Variants in KANSL1 observed in about 807,000 individuals in gnomAD.
The protein encoded by KANSL1 is MLL1/MLL complex subunit KANSL1.
In KANSL1, 22 loss-of-function variants were observed where a neutral mutation model predicts 103.6. That is an observed-to-expected ratio of 0.21 (90% CI 0.15 to 0.30). KANSL1 has a LOEUF of 0.30. KANSL1 is among the 10% of genes least tolerant of loss of function. The pLI is 1.00. For synonymous variants in KANSL1, 600 were observed against 527.6 expected (o/e 1.14, Z -1.88); for missense variants, 1,337 against 1,399.8 (o/e 0.96, Z 0.72).
intron 1 of KANSL1, among the ~76,000 whole-genome samples, chr17:46,217,944 T>A (rs886466509): frequency 1.3e-5 from 2 of 152,156 alleles, no homozygotes; most frequent in Non-Finnish European, 2.9e-5. Flanking sequence ...GAGAATCACC[T>A]GAACCTGAGA....
chr17:46,137,231 A>C (rs1390216418), intron 2 of KANSL1, among the ~76,000 whole-genome samples: 1 of 152,108 alleles, frequency 6.6e-6, no homozygotes, highest in African/African-American at 2.4e-5. Context: ...CTTATTCTCT[A>C]TTCATCCTCA....
Position 46,067,621 on chromosome 17 carries a change from A to G in KANSL1, c.1580T>C (p.Ile527Thr), listed in dbSNP as rs927154057. The G allele has an allele frequency of 1.2e-6, 2 of 1,607,160 alleles. No individual in the cohort carries two copies. The highest frequency in any genetic ancestry group is 1.3e-5 in the African/African-American group (1 of 74,890). ...QPLENHGAPI[I>T]GHISESLSTK... ...AGACAGTGACTCTGAAATATGACCA[A>G]TAATAGGGGCACCATGGTTTTCCAA... The change falls in exon 5 of 15, where the codon ATT becomes ACT. Residue 527 changes from isoleucine (I) to threonine (T), a missense_variant. By Grantham distance (89) the Ile-to-Thr change is moderately conservative. Transcript: ENST00000432791.
At chr17:46,125,828 A>G (rs2043528626) in intron 2 of KANSL1, among the ~76,000 whole-genome samples, 2 of 152,230 alleles carry the variant, frequency 1.3e-5, no homozygotes, top group African/African-American at 4.8e-5. Flanking sequence ...TTAAAACCCC[A>G]AAAGGACAGA....
In KANSL1 at chr17:46,031,221, G is replaced by A. The variant is rs1421249799; in HGVS notation, c.*255C>T. 1.7e-6 allele frequency: 1 copy of A among 575,256 alleles called. No individual in the cohort carries two copies. Among genetic ancestry groups the A allele is most frequent in the Non-Finnish European group, 3.1e-6 (1 of 321,420 alleles). The allele number at this position is 575,256 out of a possible 1,614,324, so 35.6% of individuals were successfully genotyped here. ...CAGTGCAGAGGATGTGCCAGGACCA[G>A]GCCAGCAGGGTCTCATCCTGAACTT... On this transcript the variant is annotated 3_prime_UTR_variant, in exon 15 of 15. Coordinates refer to ENST00000432791, the MANE Select transcript of KANSL1 (RefSeq NM_015443.4).
intron 2 of KANSL1, among the ~76,000 whole-genome samples, chr17:46,105,313 C>A (rs568306085): frequency 3.7e-4 from 56 of 152,202 alleles, no homozygotes; most frequent in Non-Finnish European, 6.9e-4. Context: ...ATACTAATTT[C>A]TCTTTCAAAG....
chr17:46,181,449 G>C (rs1413281314), intron 1 of KANSL1, among the ~76,000 whole-genome samples: 1 of 149,156 alleles, frequency 6.7e-6, no homozygotes, highest in East Asian at 2.0e-4. Context: ...TTTTTTTTGA[G>C]ACAAAGTCTC....
At chr17:46,092,272 A>G (rs1001464757) in intron 3 of KANSL1, among the ~76,000 whole-genome samples, 1 of 152,244 alleles carries the variant, frequency 6.6e-6, no homozygotes, top group African/African-American at 2.4e-5. Flanking sequence ...AGATATTTAG[A>G]AATACTTTTC....
At chr17:46,187,922 T>G (rs2147886177) in intron 1 of KANSL1, among the ~76,000 whole-genome samples, 1 of 152,376 alleles carries the variant, frequency 6.6e-6, no homozygotes, top group African/African-American at 2.4e-5. Flanking sequence ...GCACTCTATT[T>G]TAGCTTTACC....
At chr17:46,102,114 C>A (rs189114214) in intron 2 of KANSL1, among the ~76,000 whole-genome samples, 1 of 152,340 alleles carries the variant, frequency 6.6e-6, no homozygotes, top group East Asian at 1.9e-4. Flanking sequence ...AAATATCCCA[C>A]ATTTTAGTTG....
At chr17:46,177,173 C>G (rs2046560243) in intron 1 of KANSL1, among the ~76,000 whole-genome samples, 1 of 152,188 alleles carries the variant, frequency 6.6e-6, no homozygotes, top group Admixed American at 6.5e-5. Context: ...AGTAACAGAG[C>G]CTTCCCGACA....
intron 2 of KANSL1, among the ~76,000 whole-genome samples, chr17:46,120,339 C>A (rs2043224772): frequency 6.6e-6 from 1 of 152,220 alleles, no homozygotes; most frequent in Non-Finnish European, 1.5e-5. Context: ...GTACAAACCT[C>A]AGTGAAATGA....
At chr17:46,209,203 A>G (rs2048080971) in intron 1 of KANSL1, among the ~76,000 whole-genome samples, 2 of 152,282 alleles carry the variant, frequency 1.3e-5, no homozygotes, top group Admixed American at 6.5e-5. Flanking sequence ...AAGAAAATGC[A>G]AAGTCACCTA....
chr17:46,162,785 A>G (rs995459114), intron 2 of KANSL1, among the ~76,000 whole-genome samples: 16 of 152,262 alleles, frequency 1.1e-4, no homozygotes, highest in African/African-American at 3.9e-4. Flanking sequence ...TTAACTTTAT[A>G]TAATCAACAA....
At chr17:46,126,041 C>T (rs549104879) in intron 2 of KANSL1, among the ~76,000 whole-genome samples, 54 of 152,306 alleles carry the variant, frequency 3.5e-4, no homozygotes, top group African/African-American at 1.3e-3. Flanking sequence ...AGTAGGAATT[C>T]AAACTCAGGT....
chr17:46,031,591 G>A lies in KANSL1; in HGVS notation c.3203C>T (p.Ser1068Leu). 1.2e-6 allele frequency: 2 copies of A among 1,614,148 alleles called. No individual in the cohort carries two copies. Among genetic ancestry groups the A allele is most frequent in the Non-Finnish European group, 1.7e-6 (2 of 1,180,014 alleles). The change falls in exon 15 of 15, where the codon TCA (serine) becomes TTA (leucine). Residue 1068 changes from serine to leucine, a missense_variant. Coordinates refer to ENST00000432791, the MANE Select transcript of KANSL1 (RefSeq NM_015443.4). Reference sequence around the variant, plus strand: ...TGTCTCCCGGCCAGTCTTGCTGCCTGAGGTGCGTCGAGTGCAGCGGGCTGC... The same window carrying A: ...TGTCTCCCGGCCAGTCTTGCTGCCTAAGGTGCGTCGAGTGCAGCGGGCTGC... ...ERAARCTRRT[S>L]GSKTGRETEA...
At chr17:46,059,646 AAAG>A (rs1396526437) in intron 6 of KANSL1, among the ~76,000 whole-genome samples, 12 of 64,596 alleles carry the variant, frequency 1.9e-4, no homozygotes, top group East Asian at 1.8e-3. Flanking sequence ...AAAAAAAAAA[AAAG>A]AGAGAGAGAG....
chr17:46,145,752 G>A (rs1379968591), intron 2 of KANSL1, among the ~76,000 whole-genome samples: 1 of 152,066 alleles, frequency 6.6e-6, no homozygotes, highest in African/African-American at 2.4e-5. Flanking sequence ...TTTCTTGAGA[G>A]GAGTGACTCT....
chr17:46,183,021 A>G (rs1024600567), intron 1 of KANSL1, among the ~76,000 whole-genome samples: 1 of 152,276 alleles, frequency 6.6e-6, no homozygotes, highest in Non-Finnish European at 1.5e-5. Context: ...GCAGCAGTAA[A>G]GAGAGACACT....
chr17:46,117,982 AAAC>A (rs1388811727), intron 2 of KANSL1, among the ~76,000 whole-genome samples: 2 of 152,252 alleles, frequency 1.3e-5, no homozygotes, highest in African/African-American at 4.8e-5. Flanking sequence ...ACTGCTGACA[AAAC>A]AGCAGTTTCA....
Sources: allele counts gnomAD v4.1 joint callset (sites outside exome capture counted in the v4.1 genomes callset), GRCh38; gene constraint gnomAD v4.1.1; transcripts MANE v1.5; gene names NCBI Gene and HGNC (gene_info 2026-07-23, HGNC 2026-07-21).